PTPRD: variants seen among roughly 807,000 people sequenced by gnomAD.
The protein encoded by PTPRD is receptor-type tyrosine-protein phosphatase delta.
In PTPRD, 34 loss-of-function variants were observed where a neutral mutation model predicts 214.5. The ratio of observed to expected loss-of-function variants is 0.16; its 90% CI spans 0.12 to 0.21. PTPRD has a LOEUF of 0.21. Ranked by LOEUF, PTPRD falls within the 10% of genes least tolerant of loss-of-function variation. The pLI is 1.00. For synonymous variants in PTPRD, 1,128 were observed against 845.7 expected (o/e 1.33, Z -5.79); for missense variants, 2,545 against 2,398.7 (o/e 1.06, Z -1.27).
At chr9:9,963,943 A>C (rs10491907) in intron 4 of PTPRD, among the ~76,000 whole-genome samples, 23,856 of 151,018 alleles carry the variant, frequency 0.16, 1,946 homozygotes, top group African/African-American at 0.19. Context: ...ATTATGCCTC[A>C]TTTCCATTTT....
Position 10,096,098 on chromosome 9 carries a change from A to G in PTPRD, c.-544-62308T>C, listed in dbSNP as rs1054962025. ...ATTAGAGTTTGGATTGACCATTCTG[A>G]TTACATACGAGCGTAAACACCATCT... On this transcript the variant is annotated intron_variant, in intron 3 of 45. Coordinates refer to ENST00000381196, the MANE Select transcript of PTPRD (RefSeq NM_002839.4). 4.0e-5 allele frequency among the ~76,000 whole-genome samples: 6 copies of G among 151,772 alleles called. No individual in the cohort carries two copies. In the East Asian group the frequency reaches 1.2e-3, roughly 30 times the overall value.
chr9:9,547,683 C>T (rs2079118025), intron 8 of PTPRD, among the ~76,000 whole-genome samples: 1 of 151,912 alleles, frequency 6.6e-6, no homozygotes, highest in East Asian at 1.9e-4. Context: ...GCCCTTCTGA[C>T]AATCCAAAAG....
intron 3 of PTPRD, among the ~76,000 whole-genome samples, chr9:10,124,863 T>C (rs1001049426): frequency 3.9e-5 from 6 of 152,218 alleles, no homozygotes; most frequent in African/African-American, 1.4e-4. Context: ...TAAACAGATC[T>C]ATTTGTGGAT....
chr9:10,523,456 C>T (rs1445039440), intron 2 of PTPRD, among the ~76,000 whole-genome samples: 1 of 151,504 alleles, frequency 6.6e-6, no homozygotes, highest in Non-Finnish European at 1.5e-5. Flanking sequence ...CTTTCCTCAG[C>T]CATGCCCTGC....
At position 10,010,227 on chromosome 9, in the gene PTPRD, C is replaced by T. The variant is rs148224284; in HGVS notation, c.-472+23491G>A. Among the ~76,000 whole-genome samples, 6 of 151,948 alleles carry T rather than the reference C, an allele frequency of 3.9e-5. No individual in the cohort carries two copies. In the East Asian group the frequency reaches 9.7e-4, roughly 25 times the overall value. On this transcript the variant is annotated intron_variant, in intron 4 of 45. Transcript: ENST00000381196. ...ACTGCAATCCACATGTCTCCAAACA[C>T]CATGACCTCAGGGCAAAGAGACTGA... is the stretch of plus-strand genomic sequence containing the variant.
chr9:9,959,978 T>A (rs1300838829), intron 4 of PTPRD, among the ~76,000 whole-genome samples: 2 of 152,140 alleles, frequency 1.3e-5, no homozygotes, highest in Non-Finnish European at 2.9e-5. Flanking sequence ...TTGCTCTGTC[T>A]GCCTAGAGGG....
At chr9:8,516,657 G>T (rs958861207) in intron 21 of PTPRD, among the ~76,000 whole-genome samples, 6 of 151,984 alleles carry the variant, frequency 3.9e-5, no homozygotes, top group Non-Finnish European at 8.8e-5. Flanking sequence ...AGATTATACT[G>T]TCTCCAATAA....
intron 10 of PTPRD, among the ~76,000 whole-genome samples, chr9:9,031,471 T>C (rs2099605229): frequency 6.6e-6 from 1 of 152,064 alleles, no homozygotes; most frequent in South Asian, 2.1e-4. Flanking sequence ...TATTGAATAC[T>C]GTAGTCAATT....
intron 5 of PTPRD, among the ~76,000 whole-genome samples, chr9:9,872,882 T>C (rs16930462): frequency 0.017 from 2,619 of 152,206 alleles, 78 homozygotes; most frequent in African/African-American, 0.059. Context: ...AGACAGCCTA[T>C]ATTCAATCAT....
At chr9:9,417,111 T>C (rs898721730) in intron 8 of PTPRD, among the ~76,000 whole-genome samples, 4 of 152,144 alleles carry the variant, frequency 2.6e-5, no homozygotes, top group African/African-American at 9.6e-5. Context: ...ATCCCATTCT[T>C]TGGCGGACAC....
chr9:9,889,260 G>C (rs74782895), intron 5 of PTPRD, among the ~76,000 whole-genome samples: 1 of 152,208 alleles, frequency 6.6e-6, no homozygotes, highest in African/African-American at 2.4e-5. Context: ...GACAGTGGAC[G>C]TCAAGCATCC....
chr9:8,986,729 TG>T (rs2154344276), intron 11 of PTPRD, among the ~76,000 whole-genome samples: 1 of 152,194 alleles, frequency 6.6e-6, no homozygotes, highest in Non-Finnish European at 1.5e-5. Context: ...TTAACTAGAT[TG>T]GGAAGTGCCA....
At chr9:8,769,355 C>T (rs981575210) in intron 11 of PTPRD, among the ~76,000 whole-genome samples, 1 of 152,106 alleles carries the variant, frequency 6.6e-6, no homozygotes, top group African/African-American at 2.4e-5. Context: ...ATTGCAAAAG[C>T]GTAATTACAG....
At chr9:8,878,902 G>A (rs779820990) in intron 11 of PTPRD, among the ~76,000 whole-genome samples, 4 of 152,156 alleles carry the variant, frequency 2.6e-5, no homozygotes, top group Non-Finnish European at 5.9e-5. Context: ...AATGGCCATA[G>A]CTATACCCTG....
At chr9:9,416,031 G>A (rs2076899491) in intron 8 of PTPRD, among the ~76,000 whole-genome samples, 1 of 152,158 alleles carries the variant, frequency 6.6e-6, no homozygotes, top group Non-Finnish European at 1.5e-5. Context: ...ACAACTGGGT[G>A]CATTCTCGTC....
At chr9:10,105,690 G>C (rs553194177) in intron 3 of PTPRD, among the ~76,000 whole-genome samples, 1 of 151,854 alleles carries the variant, frequency 6.6e-6, no homozygotes, top group South Asian at 2.1e-4. Context: ...AAAGATGTCT[G>C]AATTACTAAC....
intron 34 of PTPRD, among the ~76,000 whole-genome samples, chr9:8,445,547 T>G (rs1468414569): frequency 1.3e-5 from 2 of 152,206 alleles, no homozygotes; most frequent in African/African-American, 4.8e-5. Context: ...ATGATAAATG[T>G]TCCCGTATAT....
chr9:10,054,465 C>G (rs532417263), intron 3 of PTPRD, among the ~76,000 whole-genome samples: 46 of 152,288 alleles, frequency 3.0e-4, no homozygotes, highest in African/African-American at 9.9e-4. Context: ...AGGCTTCCTT[C>G]TAACTAATTC....
At chr9:9,133,796 G>C (rs911688679) in intron 10 of PTPRD, among the ~76,000 whole-genome samples, 3 of 152,124 alleles carry the variant, frequency 2.0e-5, no homozygotes, top group Non-Finnish European at 4.4e-5. Context: ...AACAGGGGCT[G>C]AGCTGCCTGT....
Sources: gnomAD v4.1 joint callset for allele counts (sites outside exome capture counted in the v4.1 genomes callset) on GRCh38, gnomAD v4.1.1 for gene constraint, MANE v1.5 for transcripts, NCBI Gene and HGNC (gene_info 2026-07-23, HGNC 2026-07-21) for gene names.